The following ATRNL1 variants were observed in gnomAD, a reference collection of about 807,000 sequenced individuals.
The protein encoded by ATRNL1 is attractin-like protein 1.
Under a neutral mutation model 182.7 loss-of-function variants are expected in ATRNL1, and 95 were observed. The observed-to-expected ratio is 0.52, with a 90% CI of 0.44 to 0.62. The LOEUF (loss-of-function observed/expected upper bound fraction) is 0.62, where lower values mean the gene tolerates loss of function less well. ATRNL1 is among the 20% of genes least tolerant of loss of function. The probability of loss-of-function intolerance (pLI) is 0.00; values close to 1 mark genes in which losing one functional copy is unlikely to be tolerated. For synonymous variants in ATRNL1, 576 were observed against 568.3 expected, an observed-to-expected ratio of 1.01 and a Z score of -0.19; for missense variants, 1,471 against 1,679.5, an observed-to-expected ratio of 0.88 and a Z score of 2.17.
intron 19 of ATRNL1, among the ~76,000 whole-genome samples, chr10:115,351,037 T>G (rs1592502373): frequency 1.3e-5 from 2 of 152,286 alleles, no homozygotes; most frequent in East Asian, 3.9e-4. Context: ...TACTTTTTGA[T>G]TTTTCAGATT....
intron 26 of ATRNL1, among the ~76,000 whole-genome samples, chr10:115,559,493 A>G (rs34880805): frequency 0.18 from 27,127 of 151,868 alleles, 3,060 homozygotes; most frequent in Non-Finnish European, 0.25. Context: ...TTTTGGTACC[A>G]TAAGAAACTT....
chr10:115,101,747 A>C (rs1408349714), intron 1 of ATRNL1, among the ~76,000 whole-genome samples: 1 of 152,112 alleles, frequency 6.6e-6, no homozygotes, highest in Non-Finnish European at 1.5e-5. Context: ...CATTTGCTGA[A>C]AGAGTTTTTA....
intron 15 of ATRNL1, among the ~76,000 whole-genome samples, chr10:115,292,411 T>C (rs1453844839): frequency 6.6e-6 from 1 of 151,992 alleles, no homozygotes; most frequent in African/African-American, 2.4e-5. Context: ...TTGGATTTTT[T>C]TTTTCTTACT....
At chr10:115,596,335 A>T (rs782059539) in intron 26 of ATRNL1, among the ~76,000 whole-genome samples, 1 of 152,126 alleles carries the variant, frequency 6.6e-6, no homozygotes, top group African/African-American at 2.4e-5. Flanking sequence ...TGAGCTCCCA[A>T]CCTCAAGGGA....
chr10:115,628,395 A>T (rs1386433012), intron 26 of ATRNL1, among the ~76,000 whole-genome samples: 2 of 151,994 alleles, frequency 1.3e-5, no homozygotes, highest in African/African-American at 4.8e-5. Flanking sequence ...ACGTCTATTC[A>T]AGTTCTTTGC....
At chr10:115,936,189 C>CTCACTTGATGTTAATGAGGATGACGG (rs1953551932) in intron 28 of ATRNL1, among the ~76,000 whole-genome samples, 2 of 152,232 alleles carry the variant, frequency 1.3e-5, no homozygotes, top group Non-Finnish European at 1.5e-5. Context: ...CTTCAAGCTT[C>CTCACTTGATGTTAATGAGGATGACGG]TCACTTGATG....
intron 27 of ATRNL1, among the ~76,000 whole-genome samples, chr10:115,785,820 C>T (rs1555080314): frequency 6.6e-6 from 1 of 152,182 alleles, no homozygotes; most frequent in African/African-American, 2.4e-5. Flanking sequence ...GCAGGCCACA[C>T]TTCTCATACT....
chr10:115,790,092 C>A (rs540081205), intron 27 of ATRNL1, among the ~76,000 whole-genome samples: 1 of 151,876 alleles, frequency 6.6e-6, no homozygotes, highest in East Asian at 1.9e-4. Context: ...TTTTTTCAGA[C>A]ACATTTTCTT....
chr10:115,273,054 C>T (rs1410728217), intron 13 of ATRNL1, among the ~76,000 whole-genome samples: 1 of 152,178 alleles, frequency 6.6e-6, no homozygotes, highest in East Asian at 1.9e-4. Flanking sequence ...GCTGTATCAA[C>T]CTTCCTCCAG....
intron 24 of ATRNL1, among the ~76,000 whole-genome samples, chr10:115,475,447 G>A (rs1848487362): frequency 6.6e-6 from 1 of 151,420 alleles, no homozygotes; most frequent in Admixed American, 6.6e-5. Context: ...GTAATCCAGT[G>A]TCAATGGATT....
chr10:115,702,633 C>T (rs1946774210), intron 26 of ATRNL1, among the ~76,000 whole-genome samples: 1 of 151,886 alleles, frequency 6.6e-6, no homozygotes. Context: ...AGCAGGATTT[C>T]TATACACCAG....
chr10:115,445,137 A>T (rs1554966400), intron 21 of ATRNL1, among the ~76,000 whole-genome samples: 1 of 151,632 alleles, frequency 6.6e-6, no homozygotes, highest in Non-Finnish European at 1.5e-5. Flanking sequence ...TCTGCTTAAG[A>T]GCACTTGGCT....
intron 26 of ATRNL1, among the ~76,000 whole-genome samples, chr10:115,720,297 A>G (rs1555057441): frequency 6.6e-6 from 1 of 152,180 alleles, no homozygotes; most frequent in Non-Finnish European, 1.5e-5. Flanking sequence ...TTTGTCTCCC[A>G]TGATGTTTAA....
intron 26 of ATRNL1, among the ~76,000 whole-genome samples, chr10:115,650,948 C>G (rs182325543): frequency 1.3e-5 from 2 of 152,184 alleles, no homozygotes; most frequent in East Asian, 3.9e-4. Flanking sequence ...TAATTTATAA[C>G]TCTGAATATA....
chr10:115,566,041 G>A (rs1854056651), intron 26 of ATRNL1, among the ~76,000 whole-genome samples: 1 of 152,054 alleles, frequency 6.6e-6, no homozygotes, highest in African/African-American at 2.4e-5. Context: ...TTGACTTTCA[G>A]AAAACACATA....
chr10:115,904,488 C>T (rs1952442882), intron 28 of ATRNL1, among the ~76,000 whole-genome samples: 1 of 152,178 alleles, frequency 6.6e-6, no homozygotes, highest in African/African-American at 2.4e-5. Flanking sequence ...TTGGCAGTCA[C>T]CATGGGATCA....
At chr10:115,522,014 G>A (rs1336946976) in intron 25 of ATRNL1, among the ~76,000 whole-genome samples, 1 of 152,082 alleles carries the variant, frequency 6.6e-6, no homozygotes, top group African/African-American at 2.4e-5. Context: ...GTTCTGTAGG[G>A]GCTGGTTCTC....
intron 26 of ATRNL1, among the ~76,000 whole-genome samples, chr10:115,609,086 A>G (rs1234544328): frequency 6.6e-6 from 1 of 151,898 alleles, no homozygotes; most frequent in African/African-American, 2.4e-5. Flanking sequence ...ATGTTTATCT[A>G]TTTTTATGTT....
intron 12 of ATRNL1, among the ~76,000 whole-genome samples, chr10:115,267,808 C>G (rs2133886309): frequency 6.6e-6 from 1 of 152,198 alleles, no homozygotes; most frequent in Admixed American, 6.5e-5. Flanking sequence ...GAGTCTCACT[C>G]TGTCACCCAG....
Sources: allele counts gnomAD v4.1 joint callset (sites outside exome capture counted in the v4.1 genomes callset), GRCh38; gene constraint gnomAD v4.1.1; transcripts MANE v1.5; gene names NCBI Gene and HGNC (gene_info 2026-07-23, HGNC 2026-07-21).